DOCK5: variants seen among roughly 807,000 people sequenced by gnomAD.
DOCK5 encodes dedicator of cytokinesis protein 5.
A neutral mutation model predicts 251.8 loss-of-function variants in DOCK5; 142 were observed. The observed-to-expected ratio is 0.56, with a 90% confidence interval of 0.49 to 0.65. DOCK5 has a LOEUF of 0.65. Ranked by LOEUF, DOCK5 falls within the 30% of genes least tolerant of loss-of-function variation. DOCK5 has a pLI of 0.00. For synonymous variants in DOCK5, 842 were observed against 835.5 expected (o/e 1.01, Z -0.13); for missense variants, 2,111 against 2,312.3 (o/e 0.91, Z 1.79).
At chr8:25,248,851 G>T (rs1426129849) in intron 2 of DOCK5, among the ~76,000 whole-genome samples, 1 of 152,074 alleles carries the variant, frequency 6.6e-6, no homozygotes, top group Non-Finnish European at 1.5e-5. Context: ...AGAGAGTAAG[G>T]GGGTCAGGGG....
At chr8:25,195,771 CTTTA>C (rs1418050090) in intron 1 of DOCK5, among the ~76,000 whole-genome samples, 1 of 152,132 alleles carries the variant, frequency 6.6e-6, no homozygotes, top group Non-Finnish European at 1.5e-5. Context: ...AGCCCTTTTC[CTTTA>C]TTTATTTGTT....
At chr8:25,331,799 TATAGAGAGAGAGAGAG>T (rs1218513294) in intron 18 of DOCK5, among the ~76,000 whole-genome samples, 831 of 48,944 alleles carry the variant, frequency 0.017, 6 homozygotes, top group African/African-American at 0.04. Flanking sequence ...TATATATATA[TATAGAGAGAGAGAGAG>T]AGAGAGAGAG....
chr8:25,367,295 CTCAT>C (rs1270180274), intron 31 of DOCK5, among the ~76,000 whole-genome samples: 3 of 152,204 alleles, frequency 2.0e-5, no homozygotes, highest in Admixed American at 6.5e-5. Context: ...ATAGTACCTC[CTCAT>C]TCATAGCGCT....
intron 51 of DOCK5, among the ~76,000 whole-genome samples, 188 bp from the exon 52 acceptor site, chr8:25,411,000 CACGCGT>C (rs573824679): frequency 1.1e-3 from 132 of 118,598 alleles, no homozygotes; most frequent in Non-Finnish European, 1.8e-3. Flanking sequence ...CGCACGCACG[CACGCGT>C]GTGTCTGATT....
chr8:25,236,357 G>C (rs1038160466), intron 1 of DOCK5, among the ~76,000 whole-genome samples: 1 of 152,092 alleles, frequency 6.6e-6, no homozygotes, highest in Admixed American at 6.5e-5. Flanking sequence ...CCACAGATTT[G>C]ACTTCTTGGT....
At chr8:25,224,951 A>T (rs1802491797) in intron 1 of DOCK5, among the ~76,000 whole-genome samples, 2 of 152,232 alleles carry the variant, frequency 1.3e-5, no homozygotes, top group African/African-American at 4.8e-5. Context: ...ACGTTTCTTC[A>T]AAGAAGATAT....
At position 25,411,189 on chromosome 8, in the gene DOCK5, T is replaced by C. The variant is rs762714536; in HGVS notation, c.5509-5T>C. On this transcript the variant is annotated splice_region_variant and splice_polypyrimidine_tract_variant and intron_variant, in intron 51 of 51. Transcript: ENST00000276440. Reference sequence around the variant, plus strand: ...GCTTCTAATTTTGTGTTTCTGCTTCTGCAGCTCGCTCCCCCACTGCCTGTC... The same window carrying C: ...GCTTCTAATTTTGTGTTTCTGCTTCCGCAGCTCGCTCCCCCACTGCCTGTC... 1.3e-6 allele frequency: 2 copies of C among 1,560,188 alleles called. No individual in the cohort carries two copies. Among genetic ancestry groups the C allele is most frequent in the Non-Finnish European group, 1.7e-6 (2 of 1,155,626 alleles).
intron 39 of DOCK5, 42 bp downstream of exon 39, chr8:25,380,436 C>A: frequency 6.7e-7 from 1 of 1,494,410 alleles, no homozygotes; most frequent in Non-Finnish European, 9.2e-7. Context: ...GACAGGGTTG[C>A]TAAAATTAGC....
intron 16 of DOCK5, 86 bp from the exon 17 acceptor site, chr8:25,323,762 C>G: frequency 1.4e-6 from 2 of 1,437,872 alleles, no homozygotes; most frequent in South Asian, 2.4e-5. Flanking sequence ...AACGCTGCAC[C>G]CCCGAGCAAA....
chr8:25,385,361 T>TG (rs1356158310), intron 40 of DOCK5, among the ~76,000 whole-genome samples: 1 of 151,714 alleles, frequency 6.6e-6, no homozygotes, highest in Non-Finnish European at 1.5e-5. Context: ...ACTCGGGACG[T>TG]GGGGGTGGTG....
chr8:25,391,876 ATTGC>A lies in DOCK5; in HGVS notation c.4356-17_4356-14del, dbSNP rs1171806508. On this transcript the variant is annotated splice_polypyrimidine_tract_variant and intron_variant, in intron 42 of 51. Coordinates refer to ENST00000276440, the MANE Select transcript of DOCK5 (RefSeq NM_024940.8). Reference sequence around the variant, plus strand: ...TTGTTCTAAGAGAGAAAAATACAGCATTGCTTTGTCCTTCTCCAGCTACTACAGA... The same window carrying A: ...TTGTTCTAAGAGAGAAAAATACAGCATTTGTCCTTCTCCAGCTACTACAGA... 3.8e-5 allele frequency: 62 copies of A among 1,611,840 alleles called. No homozygotes were observed. The highest frequency in any genetic ancestry group is 5.1e-5 in the Non-Finnish European group (60 of 1,178,722).
At chr8:25,226,279 T>C (rs1156771412) in intron 1 of DOCK5, among the ~76,000 whole-genome samples, 1 of 143,728 alleles carries the variant, frequency 7.0e-6, no homozygotes, top group Non-Finnish European at 1.5e-5. Context: ...TTTTTTTTTT[T>C]TGGACAGAGT....
chr8:25,358,357 G>T (rs1340205208), intron 27 of DOCK5, among the ~76,000 whole-genome samples: 1 of 152,128 alleles, frequency 6.6e-6, no homozygotes, highest in Non-Finnish European at 1.5e-5. Context: ...ACTATCACGA[G>T]ACTAGCATGA....
chr8:25,402,065 A>G (rs564426028), intron 47 of DOCK5, among the ~76,000 whole-genome samples: 2 of 152,210 alleles, frequency 1.3e-5, no homozygotes, highest in South Asian at 2.1e-4. Flanking sequence ...TTCTAGCTCT[A>G]CTTATCTGCA....
chr8:25,346,237 G>A (rs1282606024), intron 26 of DOCK5, among the ~76,000 whole-genome samples: 1 of 152,024 alleles, frequency 6.6e-6, no homozygotes, highest in Non-Finnish European at 1.5e-5. Context: ...CAAGTCAGGA[G>A]GATCACTTGA....
intron 47 of DOCK5, 126 bp downstream of exon 47, chr8:25,401,192 GGTGGGAGAGAGT>G: frequency 7.5e-7 from 1 of 1,341,358 alleles, no homozygotes; most frequent in Non-Finnish European, 1.0e-6. Context: ...TAGTGAGGCT[GGTGGGAGAGAGT>G]GTGTTCCCCT....
intron 5 of DOCK5, among the ~76,000 whole-genome samples, chr8:25,289,727 A>G (rs932456013): frequency 2.8e-4 from 43 of 152,072 alleles, no homozygotes; most frequent in African/African-American, 1.0e-3. Flanking sequence ...CTGTAATCCC[A>G]GCTACTTGGG....
chr8:25,297,320 A>G (rs891205695), intron 7 of DOCK5, among the ~76,000 whole-genome samples: 5 of 149,840 alleles, frequency 3.3e-5, no homozygotes. Flanking sequence ...TGGAGTGGCC[A>G]GATCTCAGCT....
rs760163787 is a variant in DOCK5, at chr8:25,382,675, A to C, written c.4028A>C (p.Lys1343Thr). 6.2e-7 allele frequency: 1 copy of C among 1,606,904 alleles called. No individual in the cohort carries two copies. The highest frequency in any genetic ancestry group is 8.5e-7 in the Non-Finnish European group (1 of 1,176,704). ...FDYEGLGNLL[K>T]KRASFYENII... ...GGAATGTCTTGTTTTGTTTTCCAGA[A>C]AAAAAGGGCCTCATTTTATGAGAAC... The change falls in exon 40 of 52, where the codon AAA (lysine) becomes ACA (threonine). Residue 1343 changes from lysine (K) to threonine (T), a missense_variant and splice_region_variant. Lys to Thr is a moderately conservative substitution (Grantham distance 78). This residue lies in a region of DOCK5 where 1,717 missense variants were observed against 1,892.4 expected (regional missense o/e 0.91). Coordinates refer to ENST00000276440, the MANE Select transcript of DOCK5 (RefSeq NM_024940.8).
Sources: gnomAD v4.1 joint callset for allele counts (sites outside exome capture counted in the v4.1 genomes callset) on GRCh38, gnomAD v4.1.1 for gene constraint, gnomAD v4.1.1 regional missense constraint, MANE v1.5 for transcripts, NCBI Gene and HGNC (gene_info 2026-07-23, HGNC 2026-07-21) for gene names.